ROBO2: variants seen among roughly 807,000 people sequenced by gnomAD.
ROBO2 encodes the protein roundabout guidance receptor 2.
In ROBO2, 53 loss-of-function variants were observed where a neutral mutation model predicts 160.8. That is an observed-to-expected ratio of 0.33 (90% CI 0.26 to 0.41). ROBO2 has a LOEUF of 0.41. Ranked by LOEUF, ROBO2 falls within the 10% of genes least tolerant of loss-of-function variation. The probability of loss-of-function intolerance (pLI) is 1.00; values close to 1 mark genes in which losing one functional copy is unlikely to be tolerated. For synonymous variants in ROBO2, 664 were observed against 611.7 expected (o/e 1.09, Z -1.26); for missense variants, 1,577 against 1,722.4 (o/e 0.92, Z 1.49).
intron 2 of ROBO2, among the ~76,000 whole-genome samples, chr3:76,105,258 G>A (rs1201415130): frequency 6.6e-6 from 1 of 151,478 alleles, no homozygotes; most frequent in Admixed American, 6.6e-5. Flanking sequence ...CAAATTGACA[G>A]CGCTCTGCCA....
intron 2 of ROBO2, among the ~76,000 whole-genome samples, chr3:77,326,725 C>G (rs758583181): frequency 6.6e-6 from 1 of 152,084 alleles, no homozygotes; most frequent in Non-Finnish European, 1.5e-5. Context: ...GTGATTAAAA[C>G]AGATTGAAGG....
intron 2 of ROBO2, among the ~76,000 whole-genome samples, chr3:77,428,337 A>T (rs2078409882): frequency 1.6e-5 from 2 of 128,222 alleles, no homozygotes; most frequent in African/African-American, 3.0e-5. Flanking sequence ...AACTTAGGTA[A>T]TATTTTTTTT....
intron 2 of ROBO2, among the ~76,000 whole-genome samples, chr3:77,368,526 T>C (rs1048394616): frequency 6.6e-6 from 1 of 152,192 alleles, no homozygotes; most frequent in African/African-American, 2.4e-5. Context: ...CCTCATTAGC[T>C]GATACTGCTC....
chr3:77,562,599 A>G, intron 9 of ROBO2, 52 bp from the exon 11 acceptor site: 1 of 1,288,926 alleles, frequency 7.8e-7, no homozygotes, highest in Non-Finnish European at 1.1e-6. Context: ...TTGAGTAATT[A>G]TTCTGCAAAT....
chr3:76,004,416 A>G (rs1225199849), intron 2 of ROBO2, among the ~76,000 whole-genome samples: 3 of 152,174 alleles, frequency 2.0e-5, no homozygotes, highest in African/African-American at 4.8e-5. Context: ...GCACTAGGTA[A>G]CATAGTACTC....
At chr3:76,571,667 T>A (rs1280053056) in intron 2 of ROBO2, among the ~76,000 whole-genome samples, 1 of 152,100 alleles carries the variant, frequency 6.6e-6, no homozygotes, top group African/African-American at 2.4e-5. Context: ...TAACATTACA[T>A]AATTAATTAG....
intron 2 of ROBO2, among the ~76,000 whole-genome samples, chr3:77,325,366 A>G (rs2065272318): frequency 6.6e-6 from 1 of 152,184 alleles, no homozygotes; most frequent in East Asian, 1.9e-4. Flanking sequence ...TATGAATGTT[A>G]CCTTATAGAA....
intron 1 of ROBO2, among the ~76,000 whole-genome samples, chr3:77,073,301 A>G (rs2149853436): frequency 6.6e-6 from 1 of 152,320 alleles, no homozygotes; most frequent in South Asian, 2.1e-4. Context: ...CTTTGTCATA[A>G]GAAATGAGCA....
chr3:77,042,924 A>G (rs1395680118), intron 1 of ROBO2, among the ~76,000 whole-genome samples: 1 of 152,220 alleles, frequency 6.6e-6, no homozygotes, highest in Non-Finnish European at 1.5e-5. Flanking sequence ...TGAAAAGGCA[A>G]TATTAAATTT....
At chr3:76,705,965 C>T (rs889927455) in intron 2 of ROBO2, among the ~76,000 whole-genome samples, 3 of 152,054 alleles carry the variant, frequency 2.0e-5, no homozygotes, top group Non-Finnish European at 4.4e-5. Flanking sequence ...AGACAGAATC[C>T]AGTTATACAT....
intron 2 of ROBO2, among the ~76,000 whole-genome samples, chr3:76,370,624 C>T (rs1289942792): frequency 1.3e-5 from 2 of 151,894 alleles, no homozygotes; most frequent in African/African-American, 2.4e-5. Flanking sequence ...AATATTGGAG[C>T]TGACATTTCT....
chr3:76,325,903 A>G (rs973108976), intron 2 of ROBO2, among the ~76,000 whole-genome samples: 3 of 151,246 alleles, frequency 2.0e-5, no homozygotes, highest in African/African-American at 7.4e-5. Flanking sequence ...GTTATCATTG[A>G]TCAGAGAATT....
At chr3:76,636,203 G>T (rs2090323329) in intron 2 of ROBO2, among the ~76,000 whole-genome samples, 1 of 152,032 alleles carries the variant, frequency 6.6e-6, no homozygotes, top group African/African-American at 2.4e-5. Context: ...AAGGAGTAAT[G>T]ACATTGAGAC....
At chr3:76,348,455 C>G (rs572691939) in intron 2 of ROBO2, among the ~76,000 whole-genome samples, 1 of 152,218 alleles carries the variant, frequency 6.6e-6, no homozygotes, top group African/African-American at 2.4e-5. Context: ...ACCTCAGCGT[C>G]GCCACACAGA....
At chr3:77,499,644 A>G (rs953533232) in intron 5 of ROBO2, among the ~76,000 whole-genome samples, 3 of 148,796 alleles carry the variant, frequency 2.0e-5, no homozygotes, top group African/African-American at 7.4e-5. Flanking sequence ...AATAAGTATC[A>G]CTTACGCTTT....
At chr3:76,553,314 G>A (rs749681335) in intron 2 of ROBO2, among the ~76,000 whole-genome samples, 28 of 152,244 alleles carry the variant, frequency 1.8e-4, no homozygotes, top group Non-Finnish European at 2.9e-4. Context: ...ATCGAATAGC[G>A]TGGAATCAGG....
At chr3:77,322,205 C>A (rs1481439050) in intron 2 of ROBO2, among the ~76,000 whole-genome samples, 2 of 152,100 alleles carry the variant, frequency 1.3e-5, no homozygotes, top group African/African-American at 4.8e-5. Flanking sequence ...ACAAGATAGT[C>A]TAGAATAACC....
At chr3:76,626,732 G>A (rs991053758) in intron 2 of ROBO2, among the ~76,000 whole-genome samples, 7 of 150,316 alleles carry the variant, frequency 4.7e-5, no homozygotes, top group African/African-American at 7.4e-5. Context: ...TCACTCTGTC[G>A]CCCAGGCTGG....
At chr3:76,434,186 A>G (rs2076562540) in intron 2 of ROBO2, 5 of 1,121,344 alleles carry the variant, frequency 4.5e-6, no homozygotes, top group South Asian at 1.2e-5. Context: ...AGATCAGTAA[A>G]GAGACTGGGG....
Sources: gnomAD v4.1 joint callset for allele counts (sites outside exome capture counted in the v4.1 genomes callset) on GRCh38, gnomAD v4.1.1 for gene constraint, MANE v1.5 for transcripts, NCBI Gene and HGNC (gene_info 2026-07-23, HGNC 2026-07-21) for gene names.